The following MGAT4A variants were observed in gnomAD, a reference collection of about 807,000 sequenced individuals.
MGAT4A encodes the protein alpha-1,3-mannosyl-glycoprotein 4-beta-N-acetylglucosaminyltransferase A.
A neutral mutation model predicts 74.1 loss-of-function variants in MGAT4A; 33 were observed. The observed-to-expected ratio is 0.45, with a 90% CI of 0.34 to 0.60. The LOEUF is 0.60. Ranked by LOEUF, MGAT4A falls within the 20% of genes least tolerant of loss-of-function variation. The pLI, the probability that MGAT4A is intolerant of heterozygous loss-of-function variation, is 0.02. For missense variants in MGAT4A, 479 were observed against 628.3 expected (o/e 0.76, Z 2.54); for synonymous variants, 198 against 210.4 (o/e 0.94, Z 0.51).
At chr2:98,702,422 C>T (rs1022314323) in intron 2 of MGAT4A, among the ~76,000 whole-genome samples, 3 of 152,158 alleles carry the variant, frequency 2.0e-5, no homozygotes, top group African/African-American at 4.8e-5. Context: ...ATAGGGAGGC[C>T]TTGAAAATGA....
intron 2 of MGAT4A, among the ~76,000 whole-genome samples, chr2:98,717,251 CACCTGTAATCTCAGCT>C (rs1467126692): frequency 6.6e-6 from 1 of 151,958 alleles, no homozygotes; most frequent in Non-Finnish European, 1.5e-5. Flanking sequence ...TAGTAGAGGG[CACCTGTAATCTCAGCT>C]ACCAGGGAGG....
chr2:98,627,267 T>C (rs1019232002), intron 14 of MGAT4A, among the ~76,000 whole-genome samples: 2 of 152,244 alleles, frequency 1.3e-5, no homozygotes, highest in African/African-American at 4.8e-5. Flanking sequence ...TTAACTGTCA[T>C]TAAAATGATT....
chr2:98,659,964 AAAAC>A (rs1399453219), intron 5 of MGAT4A, among the ~76,000 whole-genome samples: 1 of 152,198 alleles, frequency 6.6e-6, no homozygotes, highest in Non-Finnish European at 1.5e-5. Context: ...ATACTTGAGA[AAAAC>A]AAACAAAAAA....
intron 2 of MGAT4A, among the ~76,000 whole-genome samples, chr2:98,682,647 A>G (rs1160528047): frequency 2.0e-5 from 3 of 152,200 alleles, no homozygotes; most frequent in Non-Finnish European, 2.9e-5. Flanking sequence ...ATCAAAGTTA[A>G]AGTTGGCAAT....
At chr2:98,628,747 T>C (rs1385550615) in intron 14 of MGAT4A, among the ~76,000 whole-genome samples, 1 of 152,242 alleles carries the variant, frequency 6.6e-6, no homozygotes, top group Non-Finnish European at 1.5e-5. Context: ...CTACTTTTCT[T>C]GTTTTGATGA....
At chr2:98,669,368 GC>G (rs1466295142) in intron 4 of MGAT4A, among the ~76,000 whole-genome samples, 2 of 152,150 alleles carry the variant, frequency 1.3e-5, no homozygotes, top group Admixed American at 6.5e-5. Context: ...TTTGCCTGCT[GC>G]CATCCACGTA....
intron 14 of MGAT4A, among the ~76,000 whole-genome samples, chr2:98,628,029 A>C (rs1321759651): frequency 1.3e-5 from 2 of 152,182 alleles, no homozygotes; most frequent in Non-Finnish European, 1.5e-5. Context: ...TTATAAATTA[A>C]TGCAACTAAG....
chr2:98,731,086 G>C lies in MGAT4A; in HGVS notation c.-274C>G, dbSNP rs1336643922. The C allele has an allele frequency of 1.5e-5, 2 of 137,470 alleles. No individual in the cohort carries two copies. The highest frequency in any genetic ancestry group is 7.1e-5 in the Admixed American group (1 of 14,026). 8.5% of individuals were successfully genotyped at this position (137,470 alleles called of 1,614,324 possible). ...CGCCGTGCTCCCGCGGCTGCCGGCG[G>C]AGCTGCTGTAGCCGCCGCCGCCGCT... On this transcript the variant is annotated 5_prime_UTR_variant, in exon 1 of 16. Coordinates refer to ENST00000393487, the MANE Select transcript of MGAT4A (RefSeq NM_012214.3). This position sits in a 1 kb window ranked among gnomAD's most constrained non-coding sequence, Gnocchi z 4.8.
chr2:98,662,210 T>C (rs1489562337), intron 5 of MGAT4A, among the ~76,000 whole-genome samples: 1 of 152,230 alleles, frequency 6.6e-6, no homozygotes, highest in Admixed American at 6.5e-5. Flanking sequence ...ACATATGTTG[T>C]TAACATCAGA....
intron 2 of MGAT4A, among the ~76,000 whole-genome samples, chr2:98,718,853 G>C (rs1387473369): frequency 1.3e-5 from 2 of 152,146 alleles, no homozygotes; most frequent in Non-Finnish European, 2.9e-5. Context: ...TTCCACCCCT[G>C]GAATAGCACA....
At chr2:98,650,344 T>C (rs558649282) in intron 8 of MGAT4A, among the ~76,000 whole-genome samples, 1 of 152,276 alleles carries the variant, frequency 6.6e-6, no homozygotes, top group South Asian at 2.1e-4. Context: ...AGAGAGCCTA[T>C]TTGAACTTCC....
chr2:98,720,474 T>C (rs553619683), intron 2 of MGAT4A, among the ~76,000 whole-genome samples: 8 of 152,336 alleles, frequency 5.3e-5, no homozygotes, highest in African/African-American at 1.7e-4. Context: ...GGCTCCCTTA[T>C]CCTCAGGCCT....
rs142153940 is a variant in MGAT4A, at chr2:98,716,611, C to A, written c.94+9628G>T. Among the ~76,000 whole-genome samples the A allele has an allele frequency of 4.0e-3, 615 of 152,240 alleles. 4 individuals are homozygous for A. Among genetic ancestry groups the A allele is most frequent in the African/African-American group, 0.014 (581 of 41,538 alleles). ...CTGCACTCCAGCCTGGGCTACAGAG[C>A]GAAACTCCATCTCAGAAAAGAAAGG... On this transcript the variant is annotated intron_variant, in intron 2 of 15. Transcript: ENST00000393487.
intron 7 of MGAT4A, 96 bp downstream of exon 7, chr2:98,656,256 C>G: frequency 1.1e-6 from 1 of 907,964 alleles, no homozygotes; most frequent in Admixed American, 2.3e-5. Context: ...TTACCAAATT[C>G]AACTCTAAAA....
intron 1 of MGAT4A, among the ~76,000 whole-genome samples, chr2:98,728,520 G>A (rs1471549441): frequency 6.6e-6 from 1 of 152,142 alleles, no homozygotes; most frequent in Non-Finnish European, 1.5e-5. Context: ...GGCTGAGGCA[G>A]GCAGATTACC....
intron 10 of MGAT4A, 110 bp from the exon 11 acceptor site, chr2:98,640,338 G>A (rs549696185): frequency 6.6e-5 from 57 of 869,594 alleles, no homozygotes; most frequent in Middle Eastern, 3.3e-4. Flanking sequence ...GGCTGGGCGC[G>A]GTGGGTCATG....
In MGAT4A at chr2:98,623,408, G is replaced by A; in HGVS notation, c.*2158C>T. ...ACCAGAGTTGGCAACTGAGGAACCA[G>A]GGACCCAAGAGTACTCCTAAGCCCA... On this transcript the variant is annotated 3_prime_UTR_variant, in exon 16 of 16. Transcript: ENST00000393487. 1 of 985,406 alleles carries A rather than the reference G, an allele frequency of 1.0e-6. No individual in the cohort carries two copies. Among genetic ancestry groups the A allele is most frequent in the Non-Finnish European group, 1.2e-6 (1 of 829,926 alleles). The allele number at this position is 985,406 out of a possible 1,614,324, so 61.0% of individuals were successfully genotyped here. A position where few individuals can be genotyped will look rare whatever the true frequency, so the allele number is the denominator to read the frequency against.
chr2:98,655,241 T>TGGAG (rs1421427849), intron 8 of MGAT4A, among the ~76,000 whole-genome samples: 1 of 152,010 alleles, frequency 6.6e-6, no homozygotes, highest in Non-Finnish European at 1.5e-5. Flanking sequence ...CCCCGCTAAG[T>TGGAG]GGAGGGCTGG....
chr2:98,682,422 C>CAAA (rs1013377462), intron 2 of MGAT4A, among the ~76,000 whole-genome samples: 1,449 of 36,208 alleles, frequency 0.04, 157 homozygotes, highest in Non-Finnish European at 0.055. Flanking sequence ...AATTCCATCT[C>CAAA]AAAAAAAAAA....
Sources: allele counts gnomAD v4.1 joint callset (sites outside exome capture counted in the v4.1 genomes callset), GRCh38; gene constraint gnomAD v4.1.1; non-coding constraint Gnocchi (gnomAD v3.1); transcripts MANE v1.5; gene names NCBI Gene and HGNC (gene_info 2026-07-23, HGNC 2026-07-21).